NDRG1: variants seen among roughly 807,000 people sequenced by gnomAD.
The protein encoded by NDRG1 is N-myc downstream regulated 1.
Under a neutral mutation model 56.9 loss-of-function variants are expected in NDRG1, and 32 were observed. That is an observed-to-expected ratio of 0.56 (90% CI 0.42 to 0.76). The LOEUF (loss-of-function observed/expected upper bound fraction) is 0.76, where lower values mean the gene tolerates loss of function less well. Among genes scored for constraint, NDRG1 ranks in the 30% least tolerant of loss-of-function variants. The probability of loss-of-function intolerance (pLI) is 0.00; values close to 1 mark genes in which losing one functional copy is unlikely to be tolerated. For synonymous variants in NDRG1, 211 were observed against 204.1 expected (o/e 1.03, Z -0.29); for missense variants, 507 against 545.7 (o/e 0.93, Z 0.71).
At position 133,259,317 on chromosome 8, in the gene NDRG1, T is replaced by C. The variant is rs571297026; in HGVS notation, c.327-87A>G. ...GGACACGCTTGAAGGGTGGGGACCA[T>C]GCAGCAGCCTGCCCCATGCACCCAG... On this transcript the variant is annotated intron_variant, in intron 5 of 15. Transcript: ENST00000323851. The C allele has an allele frequency of 6.6e-5, 89 of 1,352,358 alleles. No homozygotes were observed. The East Asian group carries it at 1.8e-3, about 28-fold the overall frequency. 83.8% of individuals were successfully genotyped at this position (1,352,358 alleles called of 1,614,324 possible). A position where few individuals can be genotyped will look rare whatever the true frequency, so the allele number is the denominator to read the frequency against.
intron 10 of NDRG1, among the ~76,000 whole-genome samples, chr8:133,249,799 A>G (rs1435266600): frequency 1.3e-5 from 2 of 152,236 alleles, no homozygotes; most frequent in African/African-American, 2.4e-5. Flanking sequence ...AAGTCACTTT[A>G]TTAACATTTG....
rs202118022 is a variant in NDRG1 at position 133,258,413 on chromosome 8, T to C, written c.403A>G (p.Ile135Val). Residue 135 changes from isoleucine to valine, a missense_variant, in exon 7 of 16, where the codon ATT becomes GTT. Coordinates refer to ENST00000323851, the MANE Select transcript of NDRG1 (RefSeq NM_006096.4). ...VLQQFGLKSIIGMGTGAGAYI... is the reference protein window; with the variant it reads ...VLQQFGLKSIVGMGTGAGAYI... The stretch of plus-strand genomic sequence containing the variant: ...GCGCCTGCTCCTGTTCCCATGCCAA[T>C]AATGCTTTTCAGCCTGGAAGCAAAA... 5.6e-5 allele frequency: 90 copies of C among 1,611,576 alleles called. 1 individual carries two copies. In the East Asian group the frequency reaches 1.7e-3, roughly 31 times the overall value.
At chr8:133,247,324 A>G (rs1855742922) in intron 12 of NDRG1, among the ~76,000 whole-genome samples, 1 of 152,258 alleles carries the variant, frequency 6.6e-6, no homozygotes, top group Non-Finnish European at 1.5e-5. Flanking sequence ...CACTCTGCAG[A>G]TCACTGCACA....
chr8:133,252,861 G>A (rs1020520478), intron 9 of NDRG1, among the ~76,000 whole-genome samples: 15 of 151,444 alleles, frequency 9.9e-5, no homozygotes, highest in Non-Finnish European at 1.8e-4. Context: ...ACTCCAGAGT[G>A]GGGCCTCTAT....
At chr8:133,289,820 G>A (rs1858332763) in intron 1 of NDRG1, among the ~76,000 whole-genome samples, 1 of 152,188 alleles carries the variant, frequency 6.6e-6, no homozygotes, top group Non-Finnish European at 1.5e-5. Context: ...CAGCAGGAAC[G>A]CTGGCCTAGG....
chr8:133,249,369 T>C (rs1258132618), intron 10 of NDRG1: 4 of 161,406 alleles, frequency 2.5e-5, no homozygotes, highest in South Asian at 1.7e-4. Context: ...AGAAGCTCTT[T>C]CCCAGCTCAC....
chr8:133,238,804 G>A lies in NDRG1; in HGVS notation c.*74C>T. ...GAGTTAGGCGCAGTATGGCAGGCAGGGGGCGAAAAGGGGCCGGGGAGGAGG... is the reference window on the plus strand; with the variant it reads ...GAGTTAGGCGCAGTATGGCAGGCAGAGGGCGAAAAGGGGCCGGGGAGGAGG... On this transcript the variant is annotated 3_prime_UTR_variant, in exon 16 of 16. Coordinates refer to ENST00000323851, the MANE Select transcript of NDRG1 (RefSeq NM_006096.4). 1 of 1,479,116 alleles carries A rather than the reference G, an allele frequency of 6.8e-7. No homozygotes were observed. The highest frequency in any genetic ancestry group is 9.0e-7 in the Non-Finnish European group (1 of 1,107,322). The allele number at this position is 1,479,116 out of a possible 1,614,324, so 91.6% of individuals were successfully genotyped here.
At chr8:133,254,460 C>T in intron 9 of NDRG1, 79 bp downstream of exon 9, 1 of 1,506,112 alleles carries the variant, frequency 6.6e-7, no homozygotes, top group Non-Finnish European at 9.2e-7. Flanking sequence ...CTCTCCACCC[C>T]CACATGGGGC....
intron 5 of NDRG1, among the ~76,000 whole-genome samples, chr8:133,259,805 C>T (rs191000611): frequency 1.3e-5 from 2 of 152,112 alleles, no homozygotes; most frequent in Admixed American, 6.5e-5. Context: ...AGCCAGCCCT[C>T]GAGTCAACAG....
intron 2 of NDRG1, among the ~76,000 whole-genome samples, chr8:133,280,532 T>A (rs1012250534): frequency 6.6e-6 from 1 of 151,902 alleles, no homozygotes; most frequent in Non-Finnish European, 1.5e-5. Flanking sequence ...CACGCCATTC[T>A]CCTGCCTCAG....
chr8:133,269,139 C>T (rs930926613), intron 3 of NDRG1, among the ~76,000 whole-genome samples: 4 of 152,224 alleles, frequency 2.6e-5, no homozygotes, highest in Non-Finnish European at 5.9e-5. Context: ...AACATCAGAA[C>T]TGCAAGGTGC....
chr8:133,280,217 A>C lies in NDRG1; in HGVS notation c.99+15T>G. Reference sequence around the variant, plus strand: ...GGGATGAGGAAGGGGAAGGAAAGCCACATCCTCTACTTGCCTGGACATCAA... The same window carrying C: ...GGGATGAGGAAGGGGAAGGAAAGCCCCATCCTCTACTTGCCTGGACATCAA... On this transcript the variant is annotated intron_variant, in intron 3 of 15. Coordinates refer to ENST00000323851, the MANE Select transcript of NDRG1 (RefSeq NM_006096.4). The C allele has an allele frequency of 6.2e-7, 1 of 1,613,982 alleles. No homozygotes were observed. Among genetic ancestry groups the C allele is most frequent in the Non-Finnish European group, 8.5e-7 (1 of 1,179,842 alleles).
At chr8:133,268,495 T>C (rs1857025248) in intron 3 of NDRG1, among the ~76,000 whole-genome samples, 2 of 152,110 alleles carry the variant, frequency 1.3e-5, no homozygotes, top group South Asian at 4.1e-4. Flanking sequence ...TCTGAGAACA[T>C]GGAAGTGAAG....
intron 3 of NDRG1, among the ~76,000 whole-genome samples, chr8:133,274,133 T>A (rs1202085492): frequency 1.3e-5 from 2 of 152,002 alleles, no homozygotes; most frequent in Non-Finnish European, 1.5e-5. Flanking sequence ...TGCCCGAACA[T>A]CACCCAGGAC....
At chr8:133,239,404 TGA>T (rs1855257265) in intron 15 of NDRG1, 3 of 587,874 alleles carry the variant, frequency 5.1e-6, no homozygotes, top group African/African-American at 3.7e-5. Flanking sequence ...TGTGTAATTT[TGA>T]GAGTGTCCCC....
At position 133,242,073 on chromosome 8, in the gene NDRG1, G is replaced by A. The variant is rs753836263; in HGVS notation, c.893C>T (p.Pro298Leu). The A allele has an allele frequency of 3.7e-6, 6 of 1,614,198 alleles. No individual in the cohort carries two copies. The highest frequency in any genetic ancestry group is 1.7e-5 in the Admixed American group (1 of 60,030). ...CTTGAAGGCCTCAGCGAGCTTGGCCGGCTGCGAGAGACAAGGAGAGAAAAT... is the reference window on the plus strand; with the variant it reads ...CTTGAAGGCCTCAGCGAGCTTGGCCAGCTGCGAGAGACAAGGAGAGAAAAT... ...DCGGLPQISQ[P>L]AKLAEAFKYF... Residue 298 changes from proline (P) to leucine (L), a missense_variant and splice_region_variant, in exon 15 of 16, where the codon CCG becomes CTG. By Grantham distance (98) the Pro-to-Leu change is moderately conservative (BLOSUM62 -3). Coordinates refer to ENST00000323851, the MANE Select transcript of NDRG1 (RefSeq NM_006096.4).
intron 1 of NDRG1, chr8:133,296,694 G>GACACACACACACAC (rs36215434): frequency 2.2e-5 from 6 of 270,738 alleles, no homozygotes; most frequent in South Asian, 8.4e-5. Context: ...CCCAGACACA[G>GACACACACACACAC]ACACACACAC....
At chr8:133,297,062 G>C (rs1171420144) in intron 1 of NDRG1, 72 bp downstream of exon 1, 2 of 152,910 alleles carry the variant, frequency 1.3e-5, no homozygotes, top group Non-Finnish European at 2.9e-5. Context: ...CGGTCCTGGC[G>C]CTCCAGCGGC....
intron 3 of NDRG1, among the ~76,000 whole-genome samples, chr8:133,274,812 G>C (rs1857371100): frequency 6.6e-6 from 1 of 152,162 alleles, no homozygotes; most frequent in Non-Finnish European, 1.5e-5. Flanking sequence ...GACAGCCCTG[G>C]GCTCAATGTG....
Sources: allele counts gnomAD v4.1 joint callset (sites outside exome capture counted in the v4.1 genomes callset), GRCh38; gene constraint gnomAD v4.1.1; transcripts MANE v1.5; gene names NCBI Gene and HGNC (gene_info 2026-07-23, HGNC 2026-07-21).